GLIS3: variants seen among roughly 807,000 people sequenced by gnomAD.
GLIS3 encodes the protein zinc finger protein GLIS3.
In GLIS3, 53 loss-of-function variants were observed where a neutral mutation model predicts 78.6. The observed-to-expected ratio is 0.67, with a 90% CI of 0.54 to 0.85. GLIS3 has a LOEUF of 0.85. Ranked by LOEUF, GLIS3 falls within the 40% of genes least tolerant of loss-of-function variation. GLIS3 has a pLI of 0.00. For missense variants in GLIS3, 1,703 were observed against 1,231.1 expected (o/e 1.38, Z -5.74); for synonymous variants, 684 against 509.9 (o/e 1.34, Z -4.60).
At chr9:4,288,631 CTTAA>C (rs765776302) in intron 1 of GLIS3, among the ~76,000 whole-genome samples, 3 of 152,142 alleles carry the variant, frequency 2.0e-5, no homozygotes, top group Admixed American at 1.3e-4. Context: ...GCACTGACAA[CTTAA>C]TTAAGTATCA....
intron 1 of GLIS3, among the ~76,000 whole-genome samples, chr9:4,289,433 C>T (rs1828265053): frequency 6.6e-6 from 1 of 152,140 alleles, no homozygotes; most frequent in Non-Finnish European, 1.5e-5. Flanking sequence ...AAGGCTTGCC[C>T]ATCAGCGATG....
chr9:3,867,943 A>G (rs1820706821), intron 8 of GLIS3, among the ~76,000 whole-genome samples: 1 of 152,148 alleles, frequency 6.6e-6, no homozygotes, highest in African/African-American at 2.4e-5. Flanking sequence ...AAAGAGAAAG[A>G]ATGATGTTCA....
At chr9:4,124,035 C>A (rs1301051920) in intron 3 of GLIS3, among the ~76,000 whole-genome samples, 2 of 152,098 alleles carry the variant, frequency 1.3e-5, no homozygotes, top group Non-Finnish European at 2.9e-5. Context: ...AAATGTTGAA[C>A]TTTGCCTCTT....
chr9:4,269,677 T>G (rs968296012), intron 2 of GLIS3, among the ~76,000 whole-genome samples: 2 of 152,216 alleles, frequency 1.3e-5, no homozygotes, highest in African/African-American at 2.4e-5. Flanking sequence ...TATATTGCTT[T>G]TACAGTTCCT....
chr9:4,350,799 G>GTTTTGTTTTGT (rs915252970), upstream of GLIS3, among the ~76,000 whole-genome samples: 1 of 152,082 alleles, frequency 6.6e-6, no homozygotes, highest in African/African-American at 2.4e-5. Context: ...GGTTTGTTTT[G>GTTTTGTTTTGT]TTTTGTTTTG....
intron 7 of GLIS3, among the ~76,000 whole-genome samples, chr9:3,887,849 A>T (rs1426228963): frequency 6.6e-6 from 1 of 152,198 alleles, no homozygotes; most frequent in East Asian, 1.9e-4. Context: ...GAATGGCATC[A>T]TCTGGCAGCT....
chr9:4,384,923 T>A, the GLIS3 span, among the ~76,000 whole-genome samples: 1 of 151,638 alleles, frequency 6.6e-6, no homozygotes, highest in Non-Finnish European at 1.5e-5. Context: ...GGGTCCTAAC[T>A]GTCATTGTAA....
At chr9:4,104,106 T>C (rs1830578506) in intron 4 of GLIS3, among the ~76,000 whole-genome samples, 1 of 152,118 alleles carries the variant, frequency 6.6e-6, no homozygotes, top group Admixed American at 6.6e-5. Context: ...TCTCATAATT[T>C]TAGATGTTAC....
the GLIS3 span, among the ~76,000 whole-genome samples, chr9:4,430,055 AAACTTTGAGG>A: frequency 6.6e-6 from 1 of 151,746 alleles, no homozygotes; most frequent in Non-Finnish European, 1.5e-5. Flanking sequence ...AAACAAACAA[AAACTTTGAGG>A]CAAGCAGAGG....
intron 4 of GLIS3, among the ~76,000 whole-genome samples, chr9:3,945,721 TC>T (rs1390942141): frequency 6.6e-6 from 1 of 152,200 alleles, no homozygotes; most frequent in African/African-American, 2.4e-5. Context: ...CTTTAGTTTC[TC>T]CAAATGATCT....
At position 4,058,914 on chromosome 9, in the gene GLIS3, G is replaced by A. The variant is rs1048236347; in HGVS notation, c.1710+58854C>T. Among the ~76,000 whole-genome samples, 48 of 151,748 alleles carry A rather than the reference G, an allele frequency of 3.2e-4. 1 individual carries two copies. The highest frequency in any genetic ancestry group is 2.1e-4 in the South Asian group (1 of 4,790). ...GGAGAATGGAATGAACCCAGGAGGT[G>A]GAGCTTGCAGTGAGCCAAGATTGCG... On this transcript the variant is annotated intron_variant, in intron 4 of 10. Coordinates refer to ENST00000381971, the MANE Select transcript of GLIS3 (RefSeq NM_001042413.2).
intron 2 of GLIS3, among the ~76,000 whole-genome samples, chr9:4,169,092 C>T (rs938282034): frequency 6.6e-6 from 1 of 152,160 alleles, no homozygotes; most frequent in Non-Finnish European, 1.5e-5. Context: ...CCTGTCTCTA[C>T]ATTTTAGGAG....
intron 8 of GLIS3, among the ~76,000 whole-genome samples, chr9:3,873,736 G>A (rs1026776168): frequency 3.9e-5 from 6 of 152,046 alleles, no homozygotes; most frequent in Non-Finnish European, 2.9e-5. Flanking sequence ...GGCCTAGAAA[G>A]ATCATACATG....
At chr9:4,272,960 T>G (rs1319434443) in intron 2 of GLIS3, among the ~76,000 whole-genome samples, 1 of 152,234 alleles carries the variant, frequency 6.6e-6, no homozygotes, top group Non-Finnish European at 1.5e-5. Flanking sequence ...GTAAAATCTT[T>G]AGATGGGAGA....
chr9:4,024,606 G>C (rs971120979), intron 4 of GLIS3, among the ~76,000 whole-genome samples: 60 of 152,274 alleles, frequency 3.9e-4, no homozygotes, highest in African/African-American at 1.4e-3. Flanking sequence ...ATGATAGATA[G>C]GTTGCCTCGC....
chr9:4,381,921 G>A, the GLIS3 span, among the ~76,000 whole-genome samples: 4 of 152,288 alleles, frequency 2.6e-5, no homozygotes, highest in African/African-American at 9.6e-5. Context: ...AATTGGTCCC[G>A]GCTGTGGCTA....
chr9:4,334,904 CT>C (rs56017714), intron 2 of GLIS3, among the ~76,000 whole-genome samples: 2,431 of 106,940 alleles, frequency 0.023, 38 homozygotes, highest in African/African-American at 0.083. Flanking sequence ...TCATTTCCAC[CT>C]TTTTTTTTTT....
At position 3,828,042 on chromosome 9, in the gene GLIS3, T is replaced by G. The variant is rs370368026; in HGVS notation, c.*230A>C. The stretch of plus-strand genomic sequence containing the variant: ...CTCTAAATTCCCTTTGAAAAGACAG[T>G]CCTCCTGGTCACATAGTCCAGGAAA... On this transcript the variant is annotated 3_prime_UTR_variant, in exon 11 of 11. Transcript: ENST00000381971. 8.8e-6 allele frequency: 5 copies of G among 569,044 alleles called. No individual in the cohort carries two copies. The highest frequency in any genetic ancestry group is 1.3e-5 in the Non-Finnish European group (4 of 319,474). 35.2% of individuals were successfully genotyped at this position (569,044 alleles called of 1,614,324 possible).
At chr9:4,181,810 G>C (rs796830540) in intron 2 of GLIS3, among the ~76,000 whole-genome samples, 14 of 152,320 alleles carry the variant, frequency 9.2e-5, no homozygotes, top group African/African-American at 2.9e-4. Flanking sequence ...TAGCATCCTT[G>C]AGACTGAGGG....
Sources: allele counts gnomAD v4.1 joint callset (sites outside exome capture counted in the v4.1 genomes callset), GRCh38; gene constraint gnomAD v4.1.1; transcripts MANE v1.5; gene names NCBI Gene and HGNC (gene_info 2026-07-23, HGNC 2026-07-21).